SP4: variants seen among roughly 807,000 people sequenced by gnomAD.
SP4 encodes transcription factor Sp4.
Under a neutral mutation model 72.8 loss-of-function variants are expected in SP4, and 19 were observed. The observed-to-expected ratio is 0.26, with a 90% CI of 0.18 to 0.38. The LOEUF is 0.38. SP4 is among the 10% of genes least tolerant of loss of function. The pLI is 1.00. For missense variants in SP4, 1,008 were observed against 926.3 expected (o/e 1.09, Z -1.14); for synonymous variants, 395 against 333.1 (o/e 1.19, Z -2.02).
intron 1 of SP4, among the ~76,000 whole-genome samples, 155 bp from the exon 2 acceptor site, chr7:21,428,522 C>T (rs567154931): frequency 5.3e-5 from 8 of 152,238 alleles, no homozygotes; most frequent in African/African-American, 1.7e-4. Flanking sequence ...CCTCCCTTCC[C>T]TCCTTCTCCC....
At chr7:21,451,494 C>A (rs935995112) in intron 3 of SP4, among the ~76,000 whole-genome samples, 1 of 152,106 alleles carries the variant, frequency 6.6e-6, no homozygotes, top group African/African-American at 2.4e-5. Flanking sequence ...GATGGTCAGT[C>A]TTCTGTAACT....
At position 21,438,620 on chromosome 7, in the gene SP4, G is replaced by T. The variant is rs79533860; in HGVS notation, c.1678+7777G>T. On this transcript the variant is annotated intron_variant, in intron 3 of 5. Transcript: ENST00000222584. ...ATTTGTAGTTACGATATGTTATCTC[G>T]GTATAGTAGTCTCCTCTTATCTGTG... Among the ~76,000 whole-genome samples the T allele has an allele frequency of 8.8e-3, 1,342 of 152,014 alleles. 6 individuals carry two copies. The highest frequency in any genetic ancestry group is 0.015 in the Non-Finnish European group (990 of 67,992).
At chr7:21,469,309 CTT>C (rs1018662016) in intron 3 of SP4, among the ~76,000 whole-genome samples, 2 of 152,054 alleles carry the variant, frequency 1.3e-5, no homozygotes, top group Admixed American at 6.5e-5. Context: ...TAAAACAGAA[CTT>C]AGATCATCAC....
chr7:21,490,407 T>C (rs1221696683), intron 5 of SP4, among the ~76,000 whole-genome samples: 1 of 152,190 alleles, frequency 6.6e-6, no homozygotes, highest in Non-Finnish European at 1.5e-5. Flanking sequence ...AAAAAATCTC[T>C]AGAAAATACC....
intron 3 of SP4, among the ~76,000 whole-genome samples, chr7:21,449,342 T>C (rs1283258712): frequency 6.6e-6 from 1 of 152,264 alleles, no homozygotes; most frequent in Non-Finnish European, 1.5e-5. Context: ...TCTTGGGAAC[T>C]GTAACAAACT....
intron 3 of SP4, among the ~76,000 whole-genome samples, chr7:21,462,027 G>GTTTTTT (rs773196151): frequency 7.5e-6 from 1 of 132,822 alleles, no homozygotes. Flanking sequence ...TTTAGTTTTA[G>GTTTTTT]TTTTTTTTTT....
intron 3 of SP4, among the ~76,000 whole-genome samples, chr7:21,449,807 A>C (rs1037240984): frequency 2.6e-5 from 4 of 152,162 alleles, no homozygotes; most frequent in Non-Finnish European, 5.9e-5. Flanking sequence ...TTCAGGCTTA[A>C]GTAGACATTC....
chr7:21,440,178 A>T (rs1215796262), intron 3 of SP4, among the ~76,000 whole-genome samples: 1 of 152,136 alleles, frequency 6.6e-6, no homozygotes. Context: ...AATTAGTTGT[A>T]CCACTCTGGG....
At chr7:21,455,404 C>G (rs552309223) in intron 3 of SP4, among the ~76,000 whole-genome samples, 2 of 152,112 alleles carry the variant, frequency 1.3e-5, no homozygotes, top group African/African-American at 4.8e-5. Context: ...GAGGATGCAT[C>G]CATGGGGCAT....
chr7:21,470,749 G>GAAAA (rs11406915), intron 3 of SP4, among the ~76,000 whole-genome samples: 2 of 105,346 alleles, frequency 1.9e-5, no homozygotes, highest in African/African-American at 3.5e-5. Flanking sequence ...TCTATATTTG[G>GAAAA]AAAAAAAAAA....
chr7:21,430,360 G>C lies in SP4; in HGVS notation c.1195G>C (p.Val399Leu). 1 of 1,614,190 alleles carries C rather than the reference G, an allele frequency of 6.2e-7. No individual in the cohort carries two copies. The highest frequency in any genetic ancestry group is 8.5e-7 in the Non-Finnish European group (1 of 1,180,042). The change falls in exon 3 of 6, where the codon GTA (valine) becomes CTA (leucine). Residue 399 changes from valine to leucine, a missense_variant. Physicochemically the swap from Val to Leu is conservative, Grantham distance 32. Coordinates refer to ENST00000222584, the MANE Select transcript of SP4 (RefSeq NM_003112.5). ...QSNSLQQVQI[V>L]GQPILQQIQI... ...AAATTCTCTTCAGCAGGTGCAAATT[G>C]TAGGCCAACCTATCTTACAGCAGAT...
chr7:21,469,690 C>T (rs529799381), intron 3 of SP4, among the ~76,000 whole-genome samples: 20 of 151,724 alleles, frequency 1.3e-4, no homozygotes, highest in East Asian at 7.8e-4. Flanking sequence ...TACAGGTGCC[C>T]GCCACCACAC....
intron 3 of SP4, among the ~76,000 whole-genome samples, chr7:21,438,657 C>G (rs1783129978): frequency 6.6e-6 from 1 of 151,944 alleles, no homozygotes; most frequent in African/African-American, 2.4e-5. Context: ...GTTCTGTTAC[C>G]TGTGGTCAAC....
At chr7:21,460,912 A>C (rs972440144) in intron 3 of SP4, among the ~76,000 whole-genome samples, 2 of 152,080 alleles carry the variant, frequency 1.3e-5, no homozygotes, top group Admixed American at 1.3e-4. Context: ...GTGCATTCAC[A>C]ATCCCTTAGC....
Position 21,432,253 on chromosome 7 carries a change from G to A in SP4, c.1678+1410G>A, listed in dbSNP as rs529453849. On this transcript the variant is annotated intron_variant, in intron 3 of 5. Transcript: ENST00000222584. ...CTTTTTCTCCTAAAACTATTACAGC[G>A]TAATTACATAAATGTTTCTCTGGAT... Among the ~76,000 whole-genome samples, 49 of 152,290 alleles carry A rather than the reference G, an allele frequency of 3.2e-4. No individual in the cohort carries two copies. The Middle Eastern group carries it at 0.01, about 32-fold the overall frequency.
rs193265796 is a variant in SP4 at position 21,476,210 on chromosome 7, G to C, written c.1679-869G>C. On this transcript the variant is annotated intron_variant, in intron 3 of 5. Transcript: ENST00000222584. ...AATTGCTTGAACCCAGGAGGTGGAG[G>C]TTGCAGTGAGCCGAGATCGTGCTAC... Among the ~76,000 whole-genome samples the C allele has an allele frequency of 1.0e-3, 146 of 141,604 alleles. 1 individual carries two copies. Among genetic ancestry groups the C allele is most frequent in the Non-Finnish European group, 1.5e-3 (97 of 66,404 alleles). The allele number at this position is 141,604 out of a possible 152,430, so 92.9% of individuals were successfully genotyped here.
chr7:21,430,273 T>C lies in SP4; in HGVS notation c.1108T>C (p.Ser370Pro). The C allele has an allele frequency of 6.2e-7, 1 of 1,614,204 alleles. No homozygotes were observed. The highest frequency in any genetic ancestry group is 8.5e-7 in the Non-Finnish European group (1 of 1,180,038). Residue 370 changes from serine to proline, a missense_variant, in exon 3 of 6, where the codon TCT becomes CCT. Coordinates refer to ENST00000222584, the MANE Select transcript of SP4 (RefSeq NM_003112.5). ...ATCTCAAACACCTGCTGCTACTGAGTCTGAAGCCCAGAGCTCCAGTCAGCT... is the reference window on the plus strand; with the variant it reads ...ATCTCAAACACCTGCTGCTACTGAGCCTGAAGCCCAGAGCTCCAGTCAGCT... ...EESQTPAATE[S>P]EAQSSSQLQP...
At chr7:21,488,208 T>TA (rs754712214) in intron 5 of SP4, among the ~76,000 whole-genome samples, 1 of 152,138 alleles carries the variant, frequency 6.6e-6, no homozygotes, top group Non-Finnish European at 1.5e-5. Flanking sequence ...AACACTGTGT[T>TA]ACACTGGAAG....
intron 3 of SP4, among the ~76,000 whole-genome samples, chr7:21,476,708 T>G (rs1222023267): frequency 1.3e-5 from 2 of 152,238 alleles, no homozygotes; most frequent in Admixed American, 6.5e-5. Context: ...TAAAGCTTTG[T>G]GTTTATATAA....
Sources: gnomAD v4.1 joint callset for allele counts (sites outside exome capture counted in the v4.1 genomes callset) on GRCh38, gnomAD v4.1.1 for gene constraint, MANE v1.5 for transcripts, NCBI Gene and HGNC (gene_info 2026-07-23, HGNC 2026-07-21) for gene names.